Variants in BLTP3B observed in about 807,000 individuals in gnomAD.
BLTP3B encodes UHRF1 (ICBP90) binding protein 1-like.
At chr12:100,076,358 G>A in the BLTP3B span, among the ~76,000 whole-genome samples, 3 of 134,328 alleles carry the variant, frequency 2.2e-5, no homozygotes, top group Middle Eastern at 4.5e-3. Context: ...GTTTACTTAC[G>A]TTTCCTCTTA....
At chr12:100,086,375 G>GGT in the BLTP3B span, 1 of 675,388 alleles carries the variant, frequency 1.5e-6, no homozygotes, top group Admixed American at 2.9e-5. Context: ...AAAAAAAAGG[G>GGT]GGGGGGGGAA....
chr12:100,045,334 A>G, the BLTP3B span, among the ~76,000 whole-genome samples: 1 of 152,348 alleles, frequency 6.6e-6, no homozygotes, highest in African/African-American at 2.4e-5. Flanking sequence ...GCATCACGCT[A>G]TCTGACTTCA....
At chr12:100,133,717 TCTC>T in the BLTP3B span, among the ~76,000 whole-genome samples, 165 of 152,214 alleles carry the variant, frequency 1.1e-3, no homozygotes, top group African/African-American at 3.7e-3. Context: ...TATTGCAACA[TCTC>T]CTAGACCAAG....
chr12:100,042,322 A>G, the BLTP3B span, among the ~76,000 whole-genome samples: 20 of 152,326 alleles, frequency 1.3e-4, no homozygotes, highest in South Asian at 4.1e-3. Flanking sequence ...AAGAGTCAAA[A>G]AAAAATCTTG....
the BLTP3B span, among the ~76,000 whole-genome samples, chr12:100,126,315 C>T: frequency 1.3e-5 from 2 of 152,102 alleles, no homozygotes; most frequent in African/African-American, 4.8e-5. Context: ...AAACAATATT[C>T]CTTGAGAAGC....
the BLTP3B span, among the ~76,000 whole-genome samples, chr12:100,114,960 A>G: frequency 6.6e-6 from 1 of 152,200 alleles, no homozygotes; most frequent in African/African-American, 2.4e-5. Context: ...CAGGCTCACA[A>G]TGTGAATTAG....
the BLTP3B span, among the ~76,000 whole-genome samples, chr12:100,097,705 AT>A: frequency 6.6e-6 from 1 of 152,200 alleles, no homozygotes; most frequent in Non-Finnish European, 1.5e-5. Context: ...TATTCATCAT[AT>A]GTAAAGCTGT....
At chr12:100,075,568 T>A in the BLTP3B span, among the ~76,000 whole-genome samples, 1 of 151,812 alleles carries the variant, frequency 6.6e-6, no homozygotes, top group African/African-American at 2.4e-5. Flanking sequence ...TGGGAGAAAA[T>A]ACTCACAAAT....
At chr12:100,130,953 T>TAC in the BLTP3B span, among the ~76,000 whole-genome samples, 9 of 95,086 alleles carry the variant, frequency 9.5e-5, no homozygotes, top group African/African-American at 3.9e-4. Context: ...TACATACATA[T>TAC]ATATATATAG....
the BLTP3B span, chr12:100,059,054 C>T: frequency 0.062 from 100,086 of 1,613,966 alleles, 3,460 homozygotes; most frequent in African/African-American, 0.08. Flanking sequence ...TACAAGTCTG[C>T]GGCTCTTTTT....
At chr12:100,093,936 T>C in the BLTP3B span, among the ~76,000 whole-genome samples, 16 of 152,318 alleles carry the variant, frequency 1.1e-4, no homozygotes, top group South Asian at 3.1e-3. Flanking sequence ...TCCCTATGTC[T>C]GCCTGTGAAC....
the BLTP3B span, among the ~76,000 whole-genome samples, chr12:100,093,764 A>G: frequency 1.3e-5 from 2 of 152,238 alleles, no homozygotes; most frequent in Non-Finnish European, 2.9e-5. Flanking sequence ...TTTCTTTAAA[A>G]TATAAAACTT....
At chr12:100,073,636 T>A in the BLTP3B span, among the ~76,000 whole-genome samples, 2 of 152,034 alleles carry the variant, frequency 1.3e-5, no homozygotes, top group East Asian at 3.9e-4. Context: ...CAATAAAAAA[T>A]TAATTTAAAA....
chr12:100,136,236 C>A, the BLTP3B span, among the ~76,000 whole-genome samples: 1 of 151,668 alleles, frequency 6.6e-6, no homozygotes, highest in Non-Finnish European at 1.5e-5. Context: ...CACCTCAAAC[C>A]TACTCAAGTA....
chr12:100,048,509 C>T, the BLTP3B span, among the ~76,000 whole-genome samples: 5 of 151,930 alleles, frequency 3.3e-5, no homozygotes, highest in Non-Finnish European at 7.4e-5. Context: ...ACTATACATT[C>T]AAATGTTGGC....
At chr12:100,056,492 T>C in the BLTP3B span, among the ~76,000 whole-genome samples, 1 of 151,928 alleles carries the variant, frequency 6.6e-6, no homozygotes. Flanking sequence ...TGTTACTAAT[T>C]ATCTAATCTA....
At chr12:100,097,226 A>G in the BLTP3B span, 13 of 767,242 alleles carry the variant, frequency 1.7e-5, no homozygotes, top group African/African-American at 2.0e-4. Flanking sequence ...TTATTTTAAT[A>G]TGCCACTGGT....
chr12:100,070,073 G>T, the BLTP3B span: 1 of 1,435,358 alleles, frequency 7.0e-7, no homozygotes, highest in Non-Finnish European at 9.2e-7. Flanking sequence ...ACAAGACAAT[G>T]CTTGAGTTTC....
chr12:100,060,015 C>T, the BLTP3B span: 2 of 1,605,798 alleles, frequency 1.2e-6, no homozygotes, highest in Non-Finnish European at 1.7e-6. Flanking sequence ...GTAGTGCATT[C>T]AGCTGGCTAT....
Sources: allele counts gnomAD v4.1 joint callset (sites outside exome capture counted in the v4.1 genomes callset), GRCh38; gene constraint gnomAD v4.1.1; transcripts MANE v1.5; gene names NCBI Gene and HGNC (gene_info 2026-07-23, HGNC 2026-07-21).